BTBD9: variants seen among roughly 807,000 people sequenced by gnomAD.
BTBD9 encodes the protein BTB domain containing 9.
In BTBD9, 49 loss-of-function variants were observed where a neutral mutation model predicts 64.3. That is an observed-to-expected ratio of 0.76 (90% confidence interval 0.61 to 0.97). The LOEUF (loss-of-function observed/expected upper bound fraction) is 0.97, where lower values mean the gene tolerates loss of function less well. BTBD9 is among the 50% of genes least tolerant of loss of function. The probability of loss-of-function intolerance (pLI) is 0.00; values close to 1 mark genes in which losing one functional copy is unlikely to be tolerated. For synonymous variants in BTBD9, 260 were observed against 274.7 expected (o/e 0.95, Z 0.53); for missense variants, 598 against 762.1 (o/e 0.78, Z 2.53).
In BTBD9 at chr6:38,598,000, C is replaced by T; in HGVS notation, c.95G>A (p.Gly32Glu). The change falls in exon 2 of 11, where the codon GGG (glycine) becomes GAG (glutamate). Residue 32 changes from glycine to glutamate, a missense_variant. Physicochemically the swap from Gly to Glu is moderately conservative, Grantham distance 98. Coordinates refer to ENST00000481247, the MANE Select transcript of BTBD9 (RefSeq NM_001099272.2). ...GAATGTGACGTCGCCATATTCTTCC[C>T]CAATCAACAAGGCACCAATATGTTC... Reference protein sequence around the residue: ...LSEHIGALLIGEEYGDVTFVV... With the variant: ...LSEHIGALLIEEEYGDVTFVV... The T allele has an allele frequency of 6.2e-7, 1 of 1,613,996 alleles. No homozygotes were observed. Among genetic ancestry groups the T allele is most frequent in the Non-Finnish European group, 8.5e-7 (1 of 1,179,900 alleles).
rs934014964 is a variant in BTBD9 at position 38,266,203 on chromosome 6, ACT to A, written c.1455-9689_1455-9688del. Among the ~76,000 whole-genome samples the A allele has an allele frequency of 4.6e-5, 7 of 152,052 alleles. No individual in the cohort carries two copies. In the East Asian group the frequency reaches 1.2e-3, roughly 25 times the overall value. ...TACAGATTATTTAATCACTTGACAA[ACT>A]CTTTTTTTTCTTTTAACAAATAAAT... On this transcript the variant is annotated intron_variant, in intron 8 of 10. Transcript: ENST00000481247.
intron 4 of BTBD9, among the ~76,000 whole-genome samples, chr6:38,584,872 C>T (rs1461792737): frequency 6.6e-6 from 1 of 152,044 alleles, no homozygotes; most frequent in Non-Finnish European, 1.5e-5. Context: ...ACAGTACTGG[C>T]ACTCAAACAT....
At chr6:38,501,602 T>C (rs1772204826) in intron 6 of BTBD9, among the ~76,000 whole-genome samples, 1 of 152,186 alleles carries the variant, frequency 6.6e-6, no homozygotes, top group Admixed American at 6.5e-5. Context: ...GCAACAGTTC[T>C]CAAAATGTAG....
intron 8 of BTBD9, among the ~76,000 whole-genome samples, chr6:38,266,429 C>T (rs528901433): frequency 4.6e-5 from 7 of 151,950 alleles, no homozygotes; most frequent in Admixed American, 1.3e-4. Flanking sequence ...AAAAATTAGC[C>T]GGGCGTGGCA....
At chr6:38,409,939 A>G (rs1298830330) in intron 6 of BTBD9, among the ~76,000 whole-genome samples, 1 of 152,164 alleles carries the variant, frequency 6.6e-6, no homozygotes, top group Non-Finnish European at 1.5e-5. Flanking sequence ...ATTCGAACTA[A>G]TTTATCCAGT....
chr6:38,445,623 G>C (rs976460472), intron 6 of BTBD9, among the ~76,000 whole-genome samples: 1 of 152,006 alleles, frequency 6.6e-6, no homozygotes, highest in Non-Finnish European at 1.5e-5. Flanking sequence ...AAATAGACTT[G>C]TTAAAAAAAT....
At chr6:38,596,175 C>G (rs1327824881) in intron 2 of BTBD9, 1 of 510,258 alleles carries the variant, frequency 2.0e-6, no homozygotes, top group African/African-American at 2.1e-5. Flanking sequence ...TCTAAGGTAG[C>G]ATTGAGCTTA....
At chr6:38,198,074 A>G (rs927303478) in intron 9 of BTBD9, among the ~76,000 whole-genome samples, 2 of 152,258 alleles carry the variant, frequency 1.3e-5, no homozygotes, top group African/African-American at 4.8e-5. Flanking sequence ...AATAGGGTCA[A>G]TTCTGGGGAT....
rs557938168 is a variant in BTBD9 at position 38,395,278 on chromosome 6, T to A, written c.1155-50185A>T. ...GGACCCTGCCTCTACAAAAAAAAAA[T>A]TTTTTTAATTAACAGGGCATGTTGG... On this transcript the variant is annotated intron_variant, in intron 6 of 10. Transcript: ENST00000481247. 1.9e-3 allele frequency among the ~76,000 whole-genome samples: 292 copies of A among 151,608 alleles called. 1 individual carries two copies. Among genetic ancestry groups the A allele is most frequent in the East Asian group, 5.4e-3 (28 of 5,170 alleles).
At chr6:38,220,184 C>T (rs1183084107) in intron 9 of BTBD9, among the ~76,000 whole-genome samples, 1 of 152,184 alleles carries the variant, frequency 6.6e-6, no homozygotes, top group African/African-American at 2.4e-5. Context: ...AGATGGTGAG[C>T]GTGCCCTCTC....
intron 7 of BTBD9, among the ~76,000 whole-genome samples, chr6:38,332,409 G>A (rs1318749386): frequency 6.6e-6 from 1 of 151,970 alleles, no homozygotes; most frequent in Non-Finnish European, 1.5e-5. Context: ...GTTATCCTTC[G>A]GTTCTTAACT....
chr6:38,337,441 G>A (rs938240855), intron 7 of BTBD9, among the ~76,000 whole-genome samples: 9 of 152,132 alleles, frequency 5.9e-5, no homozygotes, highest in African/African-American at 1.9e-4. Context: ...TGAGGGAAAC[G>A]GTATTATTGC....
intron 6 of BTBD9, among the ~76,000 whole-genome samples, chr6:38,460,977 T>C (rs1263601733): frequency 6.6e-6 from 1 of 152,214 alleles, no homozygotes; most frequent in Admixed American, 6.5e-5. Flanking sequence ...TGAAATATTT[T>C]ATGTTTGTCA....
rs144868924 is a variant in BTBD9, at chr6:38,561,973, A to T, written c.1154+15627T>A. On this transcript the variant is annotated intron_variant, in intron 6 of 10. Coordinates refer to ENST00000481247, the MANE Select transcript of BTBD9 (RefSeq NM_001099272.2). ...AGAGAAAGAGAGAGCATGCAAGTGC[A>T]CCTAGTACTATAAAGCATCTATCCT... 4.5e-4 allele frequency among the ~76,000 whole-genome samples: 69 copies of T among 152,332 alleles called. 1 individual carries two copies. The highest frequency in any genetic ancestry group is 3.4e-3 in the Middle Eastern group (1 of 294).
At chr6:38,439,581 C>T (rs758522404) in intron 6 of BTBD9, among the ~76,000 whole-genome samples, 11 of 152,064 alleles carry the variant, frequency 7.2e-5, no homozygotes, top group Non-Finnish European at 1.3e-4. Flanking sequence ...TACCCACCAC[C>T]ATGGCCATCT....
chr6:38,228,751 G>A (rs1763498641), intron 9 of BTBD9, among the ~76,000 whole-genome samples: 1 of 151,842 alleles, frequency 6.6e-6, no homozygotes, highest in African/African-American at 2.4e-5. Flanking sequence ...GCATGCGCCT[G>A]TAGTCCCAGC....
At chr6:38,451,306 G>A (rs115948324) in intron 6 of BTBD9, among the ~76,000 whole-genome samples, 1,919 of 152,260 alleles carry the variant, frequency 0.013, 46 homozygotes, top group African/African-American at 0.044. Context: ...AATAAATGTA[G>A]ATATTTTGTG....
intron 6 of BTBD9, among the ~76,000 whole-genome samples, chr6:38,527,994 A>G (rs1267978749): frequency 6.6e-6 from 1 of 152,162 alleles, no homozygotes; most frequent in Admixed American, 6.5e-5. Flanking sequence ...ATATTATATT[A>G]AGGAAAGAGG....
chr6:38,599,737 C>G (rs1247874380), intron 1 of BTBD9, among the ~76,000 whole-genome samples: 5 of 152,232 alleles, frequency 3.3e-5, no homozygotes, highest in Non-Finnish European at 2.9e-5. Context: ...AATAGTCTTT[C>G]TCTTCTGTGA....
Sources: gnomAD v4.1 joint callset for allele counts (sites outside exome capture counted in the v4.1 genomes callset) on GRCh38, gnomAD v4.1.1 for gene constraint, MANE v1.5 for transcripts, NCBI Gene and HGNC (gene_info 2026-07-23, HGNC 2026-07-21) for gene names.